Variants in LRRIQ1 observed in about 807,000 individuals in gnomAD.
LRRIQ1 encodes leucine-rich repeat- and IQ domain-containing protein 1.
Under a neutral mutation model 211.9 loss-of-function variants are expected in LRRIQ1, and 210 were observed. The observed-to-expected ratio is 0.99, with a 90% confidence interval of 0.89 to 1.11. The LOEUF is 1.11. Ranked by LOEUF, LRRIQ1 falls within the 50% of genes most tolerant of loss-of-function variation. The pLI, the probability that LRRIQ1 is intolerant of heterozygous loss-of-function variation, is 0.00. For synonymous variants in LRRIQ1, 699 were observed against 650.1 expected (o/e 1.08, Z -1.14); for missense variants, 2,136 against 1,939.5 (o/e 1.10, Z -1.90).
At chr12:85,216,652 G>A (rs899487858) in intron 24 of LRRIQ1, among the ~76,000 whole-genome samples, 1 of 151,708 alleles carries the variant, frequency 6.6e-6, no homozygotes, top group African/African-American at 2.4e-5. Context: ...ATGATTAATA[G>A]TTTAAAGCTA....
At chr12:85,090,140 G>A (rs1885232342) in intron 11 of LRRIQ1, among the ~76,000 whole-genome samples, 1 of 152,190 alleles carries the variant, frequency 6.6e-6, no homozygotes, top group Admixed American at 6.5e-5. Context: ...CATCTTCCAC[G>A]TGGTATTAAG....
Position 85,056,397 on chromosome 12 carries a change from A to C in LRRIQ1, c.1604A>C (p.Gln535Pro), listed in dbSNP as rs765288659. Residue 535 changes from glutamine to proline, a missense_variant, in exon 8 of 27, where the codon CAA becomes CCA. Gln to Pro is a moderately conservative substitution (Grantham distance 76). Coordinates refer to ENST00000393217, the MANE Select transcript of LRRIQ1 (RefSeq NM_001079910.2). The part of the protein sequence containing the change: ...FPLQELKSDA[Q>P]KEEKIMKHVI... Reference sequence around the variant, plus strand: ...TTGCAAGAATTAAAGTCTGATGCACAAAAAGAAGAAAAAATCATGAAACAT... The same window carrying C: ...TTGCAAGAATTAAAGTCTGATGCACCAAAAGAAGAAAAAATCATGAAACAT... 3.8e-6 allele frequency: 6 copies of C among 1,587,844 alleles called. No homozygotes were observed. The Admixed American group carries it at 1.1e-4, about 30-fold the overall frequency.
chr12:85,196,003 A>G (rs1022188933), intron 24 of LRRIQ1, among the ~76,000 whole-genome samples: 2,830 of 152,044 alleles, frequency 0.019, 89 homozygotes, highest in African/African-American at 0.065. Flanking sequence ...TCAATGTACA[A>G]AAATCACAAG....
At chr12:85,195,905 G>A (rs12305384) in intron 24 of LRRIQ1, among the ~76,000 whole-genome samples, 89,951 of 150,718 alleles carry the variant, frequency 0.6, 29,228 homozygotes, top group African/African-American at 0.87. Context: ...TGCAGACGAC[G>A]TGATTGTATA....
intron 24 of LRRIQ1, among the ~76,000 whole-genome samples, chr12:85,172,210 T>C (rs1592920544): frequency 6.6e-6 from 1 of 152,126 alleles, no homozygotes; most frequent in African/African-American, 2.4e-5. Flanking sequence ...CCTTTGTCCC[T>C]TGCCCCTTGT....
chr12:85,140,538 G>C (rs1889467038), intron 19 of LRRIQ1, among the ~76,000 whole-genome samples: 1 of 151,128 alleles, frequency 6.6e-6, no homozygotes, highest in Non-Finnish European at 1.5e-5. Flanking sequence ...TATCACCTGA[G>C]AATGACAGTT....
At chr12:85,189,890 A>C (rs1196767306) in intron 24 of LRRIQ1, among the ~76,000 whole-genome samples, 1 of 144,254 alleles carries the variant, frequency 6.9e-6, no homozygotes, top group Non-Finnish European at 1.5e-5. Context: ...TATATTATAT[A>C]TCATATATTA....
At chr12:85,192,458 A>AATATAATTATATATAAATATATATAGTT (rs1181055985) in intron 24 of LRRIQ1, among the ~76,000 whole-genome samples, 2 of 118,498 alleles carry the variant, frequency 1.7e-5, no homozygotes, top group Admixed American at 1.1e-4. Flanking sequence ...ATAGTTATAT[A>AATATAATTATATATAAATATATATAGTT]ATATAATTAT....
chr12:85,153,415 A>G (rs1177157680), intron 21 of LRRIQ1, among the ~76,000 whole-genome samples: 1 of 151,532 alleles, frequency 6.6e-6, no homozygotes, highest in Non-Finnish European at 1.5e-5. Flanking sequence ...CTATATAGGT[A>G]CAGATAATGA....
intron 18 of LRRIQ1, among the ~76,000 whole-genome samples, chr12:85,137,130 A>C (rs558105475): frequency 2.0e-4 from 31 of 151,576 alleles, no homozygotes; most frequent in Admixed American, 1.8e-3. Context: ...GTGTTAATGT[A>C]ATGTATATAT....
At chr12:85,215,416 T>TG (rs1282532051) in intron 24 of LRRIQ1, among the ~76,000 whole-genome samples, 1 of 152,150 alleles carries the variant, frequency 6.6e-6, no homozygotes, top group Non-Finnish European at 1.5e-5. Flanking sequence ...ACTTGTGTCG[T>TG]GGGGGTTTGT....
intron 24 of LRRIQ1, among the ~76,000 whole-genome samples, chr12:85,198,407 C>G (rs1196536328): frequency 6.6e-6 from 1 of 151,604 alleles, no homozygotes; most frequent in East Asian, 1.9e-4. Flanking sequence ...AATGGCTGAA[C>G]AAATTTATAT....
At chr12:85,248,680 A>G (rs1895806825), downstream of LRRIQ1, among the ~76,000 whole-genome samples, 1 of 151,794 alleles carries the variant, frequency 6.6e-6, no homozygotes, top group Non-Finnish European at 1.5e-5. Flanking sequence ...TGAATGTGAC[A>G]GAAAACATTG....
chr12:85,252,158 A>G (rs980861178), intron 1 of LRRIQ1, among the ~76,000 whole-genome samples: 26 of 151,600 alleles, frequency 1.7e-4, no homozygotes, highest in Admixed American at 4.6e-4. Flanking sequence ...GAATGCTAAA[A>G]CTCATATTAA....
At chr12:85,049,064 CAAT>C (rs1879988663) in intron 6 of LRRIQ1, among the ~76,000 whole-genome samples, 1 of 152,080 alleles carries the variant, frequency 6.6e-6, no homozygotes, top group Non-Finnish European at 1.5e-5. Flanking sequence ...TAAGGAAATG[CAAT>C]AATATTAGGT....
rs57806767 is a variant in LRRIQ1, at chr12:85,040,435, A to C, written c.133-55A>C. ...TGGAATGAAGGGTCCAAAATTTGAC[A>C]CATAATTTTGATAATAAACACTTTC... On this transcript the variant is annotated intron_variant, in intron 2 of 26. Transcript: ENST00000393217. 3,778 of 1,090,066 alleles carry C rather than the reference A, an allele frequency of 3.5e-3. 92 individuals are homozygous for C. The African/African-American group carries it at 0.056, about 16-fold the overall frequency. 67.5% of individuals were successfully genotyped at this position (1,090,066 alleles called of 1,614,324 possible).
chr12:85,052,908 A>G (rs1880503527), intron 7 of LRRIQ1, among the ~76,000 whole-genome samples: 2 of 152,150 alleles, frequency 1.3e-5, no homozygotes, highest in Admixed American at 6.5e-5. Flanking sequence ...CCAAATGGTA[A>G]GTATAGTAGA....
intron 18 of LRRIQ1, among the ~76,000 whole-genome samples, chr12:85,129,518 G>A (rs190857821): frequency 1.9e-4 from 29 of 152,298 alleles, no homozygotes; most frequent in African/African-American, 6.7e-4. Context: ...GGAAAAGTGG[G>A]ATGGGAGTAT....
chr12:85,219,415 A>C (rs1328524100), intron 24 of LRRIQ1, among the ~76,000 whole-genome samples: 1 of 152,148 alleles, frequency 6.6e-6, no homozygotes, highest in African/African-American at 2.4e-5. Flanking sequence ...ATATCAAAAA[A>C]TGTGTCTTGC....
Sources: allele counts gnomAD v4.1 joint callset (sites outside exome capture counted in the v4.1 genomes callset), GRCh38; gene constraint gnomAD v4.1.1; transcripts MANE v1.5; gene names NCBI Gene and HGNC (gene_info 2026-07-23, HGNC 2026-07-21).